The following HNRNPL variants were observed in gnomAD, a reference collection of about 807,000 sequenced individuals.
HNRNPL encodes the protein heterogeneous nuclear ribonucleoprotein L, also known as epididymis secretory sperm binding protein.
A neutral mutation model predicts 64.0 loss-of-function variants in HNRNPL; 12 were observed. The observed-to-expected ratio is 0.19, with a 90% CI of 0.12 to 0.30. HNRNPL has a LOEUF of 0.30. Among genes scored for constraint, HNRNPL ranks in the 10% least tolerant of loss-of-function variants. HNRNPL has a pLI of 1.00. For missense variants in HNRNPL, 484 were observed against 797.4 expected (o/e 0.61, Z 4.73); for synonymous variants, 385 against 313.0 (o/e 1.23, Z -2.43).
intron 4 of HNRNPL, chr19:38,845,326 G>C: frequency 4.0e-6 from 1 of 248,782 alleles, no homozygotes; most frequent in Non-Finnish European, 7.9e-6. Flanking sequence ...AGCTGAGATC[G>C]CACCACTGCA....
chr19:38,838,294 G>A (rs1052136874), intron 10 of HNRNPL, 103 bp downstream of exon 10: 1 of 918,758 alleles, frequency 1.1e-6, no homozygotes, highest in African/African-American at 1.6e-5. Context: ...GGGCCAGGCA[G>A]GACAGGAGTT....
At chr19:38,841,314 T>A (rs1291324178) in intron 6 of HNRNPL, 33 of 338,128 alleles carry the variant, frequency 9.8e-5, no homozygotes, top group Non-Finnish European at 2.3e-5. Flanking sequence ...AACAACCCTA[T>A]GAGGTAGGTT....
chr19:38,851,334 G>C (rs994054188), upstream of HNRNPL, among the ~76,000 whole-genome samples: 1 of 152,254 alleles, frequency 6.6e-6, no homozygotes, highest in African/African-American at 2.4e-5. Flanking sequence ...AGAGGAGCGC[G>C]CCCCAGTTAT....
At chr19:38,841,131 A>T (rs1417860125) in intron 6 of HNRNPL, 2 of 214,542 alleles carry the variant, frequency 9.3e-6, no homozygotes, top group African/African-American at 4.7e-5. Flanking sequence ...GGGCAACAGC[A>T]GAATCAGTTC....
At chr19:38,847,549 G>A (rs776829220) in intron 1 of HNRNPL, 115 bp from the exon 2 acceptor site, 3 of 530,608 alleles carry the variant, frequency 5.7e-6, no homozygotes, top group Non-Finnish European at 9.7e-6. Context: ...CATCCGTGAA[G>A]GATGCACAGG....
chr19:38,845,450 T>C, intron 4 of HNRNPL, 200 bp downstream of exon 4: 1 of 594,116 alleles, frequency 1.7e-6, no homozygotes. Context: ...CACTGCTCTC[T>C]CCCCTAAGAT....
chr19:38,849,027 C>T (rs1972402998), intron 1 of HNRNPL, among the ~76,000 whole-genome samples: 1 of 152,160 alleles, frequency 6.6e-6, no homozygotes, highest in African/African-American at 2.4e-5. Context: ...CCAACATGGC[C>T]AGGAAATAGT....
chr19:38,845,135 C>T (rs1403246957), intron 4 of HNRNPL: 1 of 152,620 alleles, frequency 6.6e-6, no homozygotes, highest in Non-Finnish European at 1.5e-5. Context: ...AAATAAATTC[C>T]TAGCCAGGCG....
intron 9 of HNRNPL, 137 bp downstream of exon 9, chr19:38,838,757 C>T (rs888953893): frequency 8.9e-6 from 12 of 1,345,016 alleles, no homozygotes; most frequent in East Asian, 4.6e-5. Flanking sequence ...GTCAGAGACA[C>T]GTCTGGGAAC....
intron 5 of HNRNPL, 43 bp downstream of exon 5, chr19:38,843,965 C>T: frequency 1.2e-6 from 2 of 1,607,640 alleles, no homozygotes; most frequent in Non-Finnish European, 1.7e-6. Flanking sequence ...CCCCAGCTCA[C>T]CTGGAAGCTG....
At position 38,849,595 on chromosome 19, in the gene HNRNPL, C is replaced by T. The variant is rs1050301437; in HGVS notation, c.267+105G>A. ...CCCCACACCGTCAACGACGCGATGGCCTGGGCGCGTGCGCAGAGGCCCCCC... is the reference window on the plus strand; with the variant it reads ...CCCCACACCGTCAACGACGCGATGGTCTGGGCGCGTGCGCAGAGGCCCCCC... On this transcript the variant is annotated intron_variant, in intron 1 of 12. Transcript: ENST00000221419. The T allele has an allele frequency of 6.3e-6, 8 of 1,273,760 alleles. No homozygotes were observed. The South Asian group carries it at 1.4e-4, about 23-fold the overall frequency. The allele number at this position is 1,273,760 out of a possible 1,614,324, so 78.9% of individuals were successfully genotyped here. A position where few individuals can be genotyped will look rare whatever the true frequency, so the allele number is the denominator to read the frequency against.
In HNRNPL at chr19:38,843,826, T is replaced by G. The variant is rs191573929; in HGVS notation, c.880+16A>C. 1.2e-6 allele frequency: 2 copies of G among 1,606,630 alleles called. No homozygotes were observed. The highest frequency in any genetic ancestry group is 1.7e-5 in the Admixed American group (1 of 60,020). On this transcript the variant is annotated intron_variant, in intron 6 of 12. Transcript: ENST00000221419. The stretch of plus-strand genomic sequence containing the variant: ...CAAGGCGGGTATGTTTAGAACAAAG[T>G]GGTCGTCAAGATTACCTTGTCCACT...
chr19:38,847,228 T>C (rs934387234), intron 2 of HNRNPL, 88 bp downstream of exon 2: 2 of 610,462 alleles, frequency 3.3e-6, no homozygotes, highest in Non-Finnish European at 5.4e-6. Context: ...GGCAACAAAA[T>C]CACTATTTCC....
chr19:38,838,887 C>A lies in HNRNPL; in HGVS notation c.1355+7G>T. The stretch of plus-strand genomic sequence containing the variant: ...CCTCTGCTGCCCTCCCGAGCCTGAG[C>A]ACCTACCAGACATTCAGCTTCTGCC... On this transcript the variant is annotated splice_region_variant and intron_variant, in intron 9 of 12. Transcript: ENST00000221419. 3 of 1,614,122 alleles carry A rather than the reference C, an allele frequency of 1.9e-6. No homozygotes were observed. Among genetic ancestry groups the A allele is most frequent in the East Asian group, 2.2e-5 (1 of 44,886 alleles).
At chr19:38,844,173 T>G (rs763780238) in intron 4 of HNRNPL, 69 bp from the exon 5 acceptor site, 8 of 978,136 alleles carry the variant, frequency 8.2e-6, no homozygotes, top group Non-Finnish European at 1.2e-5. Context: ...CCCCAGAGTG[T>G]GATAAGGACA....
At chr19:38,840,429 G>T in intron 7 of HNRNPL, 53 bp from the exon 8 acceptor site, 22 of 1,552,442 alleles carry the variant, frequency 1.4e-5, no homozygotes, top group Non-Finnish European at 1.9e-5. Flanking sequence ...TGCACGGCGG[G>T]CGGCGGGCAG....
In HNRNPL at chr19:38,849,935, T is replaced by C; in HGVS notation, c.32A>G (p.Lys11Arg). The C allele has an allele frequency of 7.3e-7, 1 of 1,373,998 alleles. No individual in the cohort carries two copies. Among genetic ancestry groups the C allele is most frequent in the East Asian group, 2.9e-5 (1 of 34,364 alleles). 85.1% of individuals were successfully genotyped at this position (1,373,998 alleles called of 1,614,324 possible). A position where few individuals can be genotyped will look rare whatever the true frequency, so the allele number is the denominator to read the frequency against. Residue 11 changes from lysine to arginine, a missense_variant, in exon 1 of 13, where the codon AAG becomes AGG. Lys to Arg is a conservative substitution (Grantham distance 26). Transcript: ENST00000221419. Reference sequence around the variant, plus strand: ...CCTCTGCTCCAGCCGCCGACGCCGCTTCTCCGCCCGGGGCAGCAGCCTCCG... The same window carrying C: ...CCTCTGCTCCAGCCGCCGACGCCGCCTCTCCGCCCGGGGCAGCAGCCTCCG... MSRRLLPRAE[K>R]RRRRLEQRQQ...
rs75870432 is a variant in HNRNPL at position 38,838,876 on chromosome 19, C to T, written c.1355+18G>A. 15,352 of 1,613,988 alleles carry T rather than the reference C, an allele frequency of 9.5e-3. 775 individuals carry two copies. The East Asian group carries it at 0.11, about 12-fold the overall frequency. On this transcript the variant is annotated intron_variant, in intron 9 of 12. Coordinates refer to ENST00000221419, the MANE Select transcript of HNRNPL (RefSeq NM_001533.3). ...TCTCCCCTGTACCTCTGCTGCCCTC[C>T]CGAGCCTGAGCACCTACCAGACATT... is the stretch of plus-strand genomic sequence containing the variant.
chr19:38,837,677 G>A, intron 10 of HNRNPL, 26 bp from the exon 11 acceptor site: 1 of 1,610,288 alleles, frequency 6.2e-7, no homozygotes, highest in Non-Finnish European at 8.5e-7. Flanking sequence ...GGTAGTAAAT[G>A]AACTCTGAAA....
Sources: allele counts gnomAD v4.1 joint callset (sites outside exome capture counted in the v4.1 genomes callset), GRCh38; gene constraint gnomAD v4.1.1; transcripts MANE v1.5; gene names NCBI Gene and HGNC (gene_info 2026-07-23, HGNC 2026-07-21).